Variants in VDAC1 observed in about 807,000 individuals in gnomAD.
The protein encoded by VDAC1 is non-selective voltage-gated ion channel VDAC1.
In VDAC1, 10 loss-of-function variants were observed where a neutral mutation model predicts 34.7. That is an observed-to-expected ratio of 0.29 (90% confidence interval 0.18 to 0.49). The LOEUF (loss-of-function observed/expected upper bound fraction) is 0.49. Among genes scored for constraint, VDAC1 ranks in the 20% least tolerant of loss-of-function variants. The pLI, the probability that VDAC1 is intolerant of heterozygous loss-of-function variation, is 0.99. For missense variants in VDAC1, 230 were observed against 347.9 expected (o/e 0.66, Z 2.69); for synonymous variants, 130 against 136.0 (o/e 0.96, Z 0.30).
the VDAC1 span, among the ~76,000 whole-genome samples, chr5:134,051,287 C>T: frequency 3.3e-5 from 5 of 152,358 alleles, no homozygotes; most frequent in East Asian, 9.6e-4. Flanking sequence ...TGAGCCCGCT[C>T]TCAGAGTCCA....
At chr5:134,083,972 C>A in the VDAC1 span, among the ~76,000 whole-genome samples, 3 of 152,186 alleles carry the variant, frequency 2.0e-5, no homozygotes, top group Middle Eastern at 3.2e-3. Flanking sequence ...CCCTTATGAG[C>A]TGTGTGATCT....
upstream of VDAC1, among the ~76,000 whole-genome samples, chr5:134,008,412 A>G (rs1271477302): frequency 2.6e-5 from 4 of 152,250 alleles, no homozygotes; most frequent in Non-Finnish European, 4.4e-5. Context: ...AAGAAGAACA[A>G]TGTAAAACAT....
the VDAC1 span, among the ~76,000 whole-genome samples, chr5:134,049,675 G>A: frequency 6.6e-6 from 1 of 152,198 alleles, no homozygotes; most frequent in African/African-American, 2.4e-5. Context: ...CATCTCTCAG[G>A]TTCACGCAAT....
the VDAC1 span, among the ~76,000 whole-genome samples, chr5:134,051,274 T>C: frequency 1.3e-5 from 2 of 152,214 alleles, no homozygotes; most frequent in African/African-American, 4.8e-5. Flanking sequence ...CCAGCTCTGA[T>C]GCTGAGCCCG....
At chr5:134,050,252 AAAAT>A in the VDAC1 span, among the ~76,000 whole-genome samples, 6 of 152,136 alleles carry the variant, frequency 3.9e-5, no homozygotes, top group Admixed American at 6.6e-5. Flanking sequence ...CGTCTAAAAG[AAAAT>A]AAATAAATAA....
In VDAC1 at chr5:133,979,751, C is replaced by T. The variant is rs117158323; in HGVS notation, c.551+978G>A. Among the ~76,000 whole-genome samples the T allele has an allele frequency of 5.3e-5, 8 of 152,234 alleles. No individual in the cohort carries two copies. The East Asian group carries it at 1.5e-3, about 29-fold the overall frequency. ...CCAAAATGGATATTTTCTTGGTATA[C>T]ATTTTTACGAATTTTAACACACGTA... On this transcript the variant is annotated intron_variant, in intron 6 of 8. Coordinates refer to ENST00000265333, the MANE Select transcript of VDAC1 (RefSeq NM_003374.3).
upstream of VDAC1, among the ~76,000 whole-genome samples, chr5:134,007,015 G>T (rs531274426): frequency 3.9e-4 from 59 of 151,868 alleles, no homozygotes; most frequent in African/African-American, 1.3e-3. Flanking sequence ...AGGCTGAGGC[G>T]GCTGGATCAC....
the VDAC1 span, among the ~76,000 whole-genome samples, chr5:134,102,197 T>TG: frequency 1.3e-5 from 2 of 151,986 alleles, no homozygotes; most frequent in Non-Finnish European, 2.9e-5. Flanking sequence ...CCCGCCGCTC[T>TG]GGGGGGACTC....
At chr5:134,017,156 A>T in the VDAC1 span, among the ~76,000 whole-genome samples, 2 of 152,112 alleles carry the variant, frequency 1.3e-5, no homozygotes, top group African/African-American at 4.8e-5. Flanking sequence ...TGTTTCCTTC[A>T]TAGCTTGTAG....
chr5:134,042,374 C>A, the VDAC1 span, among the ~76,000 whole-genome samples: 6 of 152,242 alleles, frequency 3.9e-5, no homozygotes, highest in Non-Finnish European at 4.4e-5. Context: ...GTCTTGCCAT[C>A]CCTTGCCCAC....
chr5:134,085,936 T>C, the VDAC1 span, among the ~76,000 whole-genome samples: 1 of 152,026 alleles, frequency 6.6e-6, no homozygotes, highest in Non-Finnish European at 1.5e-5. Flanking sequence ...CTCATGCCTG[T>C]AATCCCACCA....
At chr5:133,997,090 G>A (rs1387115304) in intron 1 of VDAC1, among the ~76,000 whole-genome samples, 1 of 152,122 alleles carries the variant, frequency 6.6e-6, no homozygotes, top group Non-Finnish European at 1.5e-5. Context: ...CCAGCAGTCT[G>A]GCAAAAACGT....
chr5:134,063,535 TG>T, the VDAC1 span, among the ~76,000 whole-genome samples: 1 of 152,254 alleles, frequency 6.6e-6, no homozygotes, highest in Non-Finnish European at 1.5e-5. Context: ...AAAACACTTG[TG>T]CACTGGGGCT....
chr5:133,991,120 G>A lies in VDAC1; in HGVS notation c.152C>T (p.Thr51Ile), dbSNP rs1753087815. The stretch of plus-strand genomic sequence containing the variant: ...TTCCAGACTGCCCGTCACTTTGGTG[G>A]TCTCAGTGTTGGCTGAGCCTGAGCT... ...FTSSGSANTETTKVTGSLETK... is the reference protein window; with the variant it reads ...FTSSGSANTEITKVTGSLETK... Residue 51 changes from threonine to isoleucine, a missense_variant, in exon 4 of 9, where the codon ACC becomes ATC. Thr to Ile is a moderately conservative substitution (Grantham distance 89). Coordinates refer to ENST00000265333, the MANE Select transcript of VDAC1 (RefSeq NM_003374.3). The A allele has an allele frequency of 1.2e-6, 2 of 1,613,088 alleles. No individual in the cohort carries two copies. The highest frequency in any genetic ancestry group is 1.7e-6 in the Non-Finnish European group (2 of 1,180,042).
intron 5 of VDAC1, among the ~76,000 whole-genome samples, chr5:133,982,367 C>T (rs1435454668): frequency 2.0e-5 from 3 of 151,752 alleles, no homozygotes; most frequent in Non-Finnish European, 4.4e-5. Context: ...CAAAAATTAG[C>T]TGGGCGCGGT....
At chr5:134,061,772 T>C in the VDAC1 span, among the ~76,000 whole-genome samples, 2 of 151,888 alleles carry the variant, frequency 1.3e-5, no homozygotes, top group Non-Finnish European at 2.9e-5. Flanking sequence ...TTTCTCATCT[T>C]ACTATGCTAG....
chr5:133,999,100 CAGG>C (rs939227528), intron 1 of VDAC1, among the ~76,000 whole-genome samples: 23 of 152,312 alleles, frequency 1.5e-4, no homozygotes, highest in African/African-American at 3.6e-4. Flanking sequence ...CGCCTGAATG[CAGG>C]AGTTCGAGAC....
intron 5 of VDAC1, among the ~76,000 whole-genome samples, chr5:133,986,014 C>G (rs1036312673): frequency 3.3e-5 from 5 of 152,216 alleles, no homozygotes; most frequent in Non-Finnish European, 7.3e-5. Context: ...GGGAGTGGCT[C>G]AGGCTTCTCT....
At chr5:134,057,953 G>C in the VDAC1 span, among the ~76,000 whole-genome samples, 8 of 152,114 alleles carry the variant, frequency 5.3e-5, no homozygotes, top group Non-Finnish European at 1.0e-4. Flanking sequence ...CTGGAGTGCA[G>C]TGGCATGATC....
Sources: allele counts gnomAD v4.1 joint callset (sites outside exome capture counted in the v4.1 genomes callset), GRCh38; gene constraint gnomAD v4.1.1; transcripts MANE v1.5; gene names NCBI Gene and HGNC (gene_info 2026-07-23, HGNC 2026-07-21).